The following HTR1F variants were observed in gnomAD, a reference collection of about 807,000 sequenced individuals.
The protein encoded by HTR1F is 5-hydroxytryptamine (serotonin) receptor 1F, G protein-coupled.
HTR1F carries 17 observed loss-of-function variants against 24.0 expected under a neutral mutation model. The observed-to-expected ratio is 0.71, with a 90% confidence interval of 0.48 to 1.06. The LOEUF (loss-of-function observed/expected upper bound fraction) is 1.06. HTR1F is among the 50% of genes least tolerant of loss of function. HTR1F has a pLI of 0.00. For synonymous variants in HTR1F, 186 were observed against 156.8 expected, an observed-to-expected ratio of 1.19 and a Z score of -1.39; for missense variants, 391 against 427.8, an observed-to-expected ratio of 0.91 and a Z score of 0.76.
chr3:87,967,591 G>C (rs966913060), intron 2 of HTR1F, among the ~76,000 whole-genome samples: 3 of 151,954 alleles, frequency 2.0e-5, no homozygotes, highest in African/African-American at 7.3e-5. Flanking sequence ...AATCATGGGG[G>C]GGGGTGGGTA....
intron 2 of HTR1F, among the ~76,000 whole-genome samples, chr3:87,984,737 C>T (rs946093620): frequency 8.5e-5 from 13 of 152,164 alleles, no homozygotes; most frequent in Non-Finnish European, 1.8e-4. Context: ...GGATTACAGG[C>T]GTGCACCACC....
chr3:87,896,282 G>A (rs770396610), intron 2 of HTR1F, among the ~76,000 whole-genome samples: 138 of 152,266 alleles, frequency 9.1e-4, no homozygotes, highest in African/African-American at 2.9e-3. Context: ...TCTGAAGAGC[G>A]GAAAGGAGCC....
At chr3:87,861,631 C>A (rs1705320425) in intron 2 of HTR1F, among the ~76,000 whole-genome samples, 2 of 152,076 alleles carry the variant, frequency 1.3e-5, no homozygotes, top group African/African-American at 2.4e-5. Context: ...ACTTAAATTT[C>A]TCTTGCTGAA....
At chr3:87,976,998 G>GCTAA (rs1303891652) in intron 2 of HTR1F, among the ~76,000 whole-genome samples, 1 of 152,108 alleles carries the variant, frequency 6.6e-6, no homozygotes, top group East Asian at 1.9e-4. Context: ...TCTCTAGCTT[G>GCTAA]CTAACATATT....
chr3:87,903,603 A>T (rs1172660192), intron 2 of HTR1F, among the ~76,000 whole-genome samples: 1 of 151,320 alleles, frequency 6.6e-6, no homozygotes, highest in African/African-American at 2.4e-5. Context: ...TAGAATGGCA[A>T]TCATTAAAAA....
At chr3:87,827,765 T>A (rs568842406) in intron 2 of HTR1F, among the ~76,000 whole-genome samples, 2 of 152,280 alleles carry the variant, frequency 1.3e-5, no homozygotes, top group East Asian at 3.9e-4. Flanking sequence ...CATAGCCCTA[T>A]CATGATGGTC....
At chr3:87,909,751 C>T (rs955043030) in intron 2 of HTR1F, among the ~76,000 whole-genome samples, 3 of 152,024 alleles carry the variant, frequency 2.0e-5, no homozygotes, top group Admixed American at 6.6e-5. Flanking sequence ...CAGGCTTCTA[C>T]ATTTCTGCTA....
intron 2 of HTR1F, among the ~76,000 whole-genome samples, chr3:87,937,479 G>C (rs1190287005): frequency 6.6e-6 from 1 of 152,196 alleles, no homozygotes; most frequent in East Asian, 1.9e-4. Context: ...AATAATAACA[G>C]CCATCTATGA....
intron 2 of HTR1F, among the ~76,000 whole-genome samples, chr3:87,874,600 AC>A (rs1235302753): frequency 7.9e-5 from 12 of 151,648 alleles, no homozygotes; most frequent in South Asian, 4.2e-4. Context: ...TACAATCCCT[AC>A]CAAAATCTCA....
chr3:87,930,890 A>G (rs1212390470), intron 2 of HTR1F, among the ~76,000 whole-genome samples: 1 of 152,186 alleles, frequency 6.6e-6, no homozygotes, highest in Non-Finnish European at 1.5e-5. Flanking sequence ...GTTTTACAAG[A>G]ACAGAATTAT....
At chr3:87,891,521 T>A (rs1246861155) in intron 2 of HTR1F, among the ~76,000 whole-genome samples, 4 of 152,210 alleles carry the variant, frequency 2.6e-5, no homozygotes, top group Non-Finnish European at 5.9e-5. Flanking sequence ...AGTTCCTTTC[T>A]TATAACAATG....
rs568366262 is a variant in HTR1F at position 87,823,924 on chromosome 3, T to C, written c.-43+1800T>C. 5.9e-5 allele frequency among the ~76,000 whole-genome samples: 9 copies of C among 151,378 alleles called. No individual in the cohort carries two copies. In the South Asian group the frequency reaches 1.5e-3, roughly 25 times the overall value. The stretch of plus-strand genomic sequence containing the variant: ...AAATACAAAAATTAGCTGGGCATGG[T>C]GGCGCGCCTGTAGTCCCAGCTACTC... On this transcript the variant is annotated intron_variant, in intron 2 of 2. Coordinates refer to ENST00000319595, the MANE Select transcript of HTR1F (RefSeq NM_001322209.2).
chr3:87,947,461 A>T (rs1167772400), intron 2 of HTR1F, among the ~76,000 whole-genome samples: 2 of 152,152 alleles, frequency 1.3e-5, no homozygotes, highest in Non-Finnish European at 2.9e-5. Context: ...CCTTTTTTTA[A>T]TGAACTTTAA....
intron 2 of HTR1F, among the ~76,000 whole-genome samples, chr3:87,927,030 GA>G (rs61263722): frequency 2.0e-5 from 3 of 151,794 alleles, no homozygotes; most frequent in African/African-American, 4.8e-5. Context: ...GATGAAAAGA[GA>G]AAAAAATGAC....
chr3:87,825,015 T>C (rs566006288), intron 2 of HTR1F, among the ~76,000 whole-genome samples: 1 of 152,324 alleles, frequency 6.6e-6, no homozygotes, highest in East Asian at 1.9e-4. Context: ...TTGATAATAG[T>C]GATTATAAGA....
intron 2 of HTR1F, among the ~76,000 whole-genome samples, chr3:87,967,960 G>A (rs1284410786): frequency 4.6e-5 from 7 of 152,190 alleles, no homozygotes; most frequent in Non-Finnish European, 1.0e-4. Flanking sequence ...GGGCTCAGAA[G>A]ACAGGAAGAT....
intron 2 of HTR1F, among the ~76,000 whole-genome samples, chr3:87,906,134 G>C (rs1170733798): frequency 2.0e-5 from 3 of 152,106 alleles, no homozygotes; most frequent in Non-Finnish European, 4.4e-5. Flanking sequence ...GGGAAAAAAA[G>C]TGTTCCAATA....
At chr3:87,858,355 G>T (rs1705244951) in intron 2 of HTR1F, among the ~76,000 whole-genome samples, 1 of 152,044 alleles carries the variant, frequency 6.6e-6, no homozygotes, top group South Asian at 2.1e-4. Flanking sequence ...ATTAGGACTG[G>T]GTCAAGAAAA....
chr3:87,973,698 C>T (rs1222839257), intron 2 of HTR1F, among the ~76,000 whole-genome samples: 2 of 152,082 alleles, frequency 1.3e-5, no homozygotes, highest in Admixed American at 6.6e-5. Context: ...AATTACTTCC[C>T]GGAAACTCCT....
Sources: allele counts gnomAD v4.1 joint callset (sites outside exome capture counted in the v4.1 genomes callset), GRCh38; gene constraint gnomAD v4.1.1; transcripts MANE v1.5; gene names NCBI Gene and HGNC (gene_info 2026-07-23, HGNC 2026-07-21).